Variants in PSMD5 observed in about 807,000 individuals in gnomAD.
PSMD5 encodes 26S proteasome non-ATPase regulatory subunit 5.
A neutral mutation model predicts 52.1 loss-of-function variants in PSMD5; 40 were observed. The observed-to-expected ratio is 0.77, with a 90% CI of 0.60 to 1.00. The LOEUF is 1.00. Ranked by LOEUF, PSMD5 falls within the 50% of genes least tolerant of loss-of-function variation. The pLI is 0.00. For missense variants in PSMD5, 575 were observed against 605.2 expected (o/e 0.95, Z 0.52); for synonymous variants, 211 against 226.6 (o/e 0.93, Z 0.62).
At chr9:120,825,934 C>T (rs1216052275) in intron 6 of PSMD5, among the ~76,000 whole-genome samples, 2 of 150,862 alleles carry the variant, frequency 1.3e-5, no homozygotes, top group South Asian at 4.2e-4. Context: ...ATTGCTCTGG[C>T]TATAACTTCT....
At chr9:120,841,885 T>C (rs1011436767) in intron 1 of PSMD5, 2 of 152,168 alleles carry the variant, frequency 1.3e-5, no homozygotes, top group Non-Finnish European at 2.9e-5. Context: ...CAGGTTTCCC[T>C]AGCAGGCTTG....
At chr9:120,842,662 C>G in intron 1 of PSMD5, 75 bp downstream of exon 1, 1 of 1,552,014 alleles carries the variant, frequency 6.4e-7, no homozygotes, top group Non-Finnish European at 8.8e-7. Flanking sequence ...AAGCGCTGTT[C>G]TTGCCCTCAA....
intron 4 of PSMD5, 93 bp downstream of exon 4, chr9:120,831,238 C>T (rs539002668): frequency 6.1e-6 from 8 of 1,317,658 alleles, no homozygotes; most frequent in Middle Eastern, 2.0e-4. Flanking sequence ...GGGCCAAACA[C>T]AGATTATATA....
intron 1 of PSMD5, among the ~76,000 whole-genome samples, chr9:120,838,379 T>G (rs2045212631): frequency 6.6e-6 from 1 of 152,218 alleles, no homozygotes; most frequent in Non-Finnish European, 1.5e-5. Flanking sequence ...AAAGAGTTAA[T>G]GCTTAAAATT....
chr9:120,835,678 G>A (rs542373870), intron 1 of PSMD5, among the ~76,000 whole-genome samples: 3 of 151,776 alleles, frequency 2.0e-5, no homozygotes, highest in African/African-American at 2.4e-5. Context: ...GCAGTGAGTC[G>A]AGATAGCGCC....
At position 120,842,244 on chromosome 9, in the gene PSMD5, G is replaced by C. The variant is rs193288919; in HGVS notation, c.173+493C>G. 232 of 157,258 alleles carry C rather than the reference G, an allele frequency of 1.5e-3. 2 individuals carry two copies. Among genetic ancestry groups the C allele is most frequent in the Middle Eastern group, 6.7e-3 (2 of 300 alleles). 9.7% of individuals were successfully genotyped at this position (157,258 alleles called of 1,614,324 possible). ...TGCCGCTGCTTTTGGGGCGATTCCA[G>C]CCTCGGGTTCGAAAGAACAAAGTAA... On this transcript the variant is annotated intron_variant, in intron 1 of 9. Transcript: ENST00000210313.
Position 120,816,302 on chromosome 9 carries a change from T to C in PSMD5, c.*1604A>G, listed in dbSNP as rs1052095240. ...TAATTCTGAAGATGGATGGTGGTGATGGTTGTACAACTTATGAACATATGT... is the reference window on the plus strand; with the variant it reads ...TAATTCTGAAGATGGATGGTGGTGACGGTTGTACAACTTATGAACATATGT... On this transcript the variant is annotated 3_prime_UTR_variant, in exon 10 of 10. Transcript: ENST00000210313. 6.6e-6 allele frequency: 1 copy of C among 152,326 alleles called. No individual in the cohort carries two copies. Among genetic ancestry groups the C allele is most frequent in the Admixed American group, 6.5e-5 (1 of 15,298 alleles). 9.4% of individuals were successfully genotyped at this position (152,326 alleles called of 1,614,324 possible).
chr9:120,827,290 GCTTTA>G, intron 5 of PSMD5, among the ~76,000 whole-genome samples: 1 of 152,242 alleles, frequency 6.6e-6, no homozygotes, highest in East Asian at 1.9e-4. Flanking sequence ...TGAAGATTTT[GCTTTA>G]CTTATTTCAT....
intron 1 of PSMD5, 166 bp downstream of exon 1, chr9:120,842,571 A>AC (rs2045247642): frequency 1.2e-6 from 1 of 828,138 alleles, no homozygotes; most frequent in African/African-American, 1.7e-5. Flanking sequence ...CTGAACCTGA[A>AC]CCCCATCTCC....
intron 1 of PSMD5, among the ~76,000 whole-genome samples, chr9:120,839,798 C>CTTTTT (rs5900462): frequency 3.8e-5 from 3 of 78,540 alleles, no homozygotes; most frequent in African/African-American, 8.7e-5. Context: ...TTTTTTTAAT[C>CTTTTT]TTTTTTTTTT....
chr9:120,818,452 A>T (rs1185475711), intron 9 of PSMD5, among the ~76,000 whole-genome samples: 1 of 152,226 alleles, frequency 6.6e-6, no homozygotes, highest in Non-Finnish European at 1.5e-5. Context: ...CATTAACAAT[A>T]ATGTTTACAA....
chr9:120,833,672 C>CTTTTT lies in PSMD5; in HGVS notation c.174-221_174-217dup, dbSNP rs71385094. Among the ~76,000 whole-genome samples the CTTTTT allele has an allele frequency of 9.2e-4, 79 of 85,622 alleles. 1 individual carries two copies. Among genetic ancestry groups the CTTTTT allele is most frequent in the African/African-American group, 1.8e-3 (38 of 20,920 alleles). The allele number at this position is 85,622 out of a possible 152,430, so 56.2% of individuals were successfully genotyped here. On this transcript the variant is annotated intron_variant, in intron 1 of 9. Transcript: ENST00000210313. ...AGAATAAGATATGCACTCTAGTCTT[C>CTTTTT]TTTTTTTTTTTTTTTTTTTTTTTTG...
At chr9:120,826,331 C>G (rs1175559183) in intron 6 of PSMD5, among the ~76,000 whole-genome samples, 2 of 152,100 alleles carry the variant, frequency 1.3e-5, no homozygotes, top group Non-Finnish European at 2.9e-5. Flanking sequence ...CAACTTTTCA[C>G]CGCTGAGTAT....
intron 1 of PSMD5, among the ~76,000 whole-genome samples, chr9:120,838,322 A>G (rs1159968877): frequency 3.3e-5 from 5 of 152,252 alleles, no homozygotes; most frequent in Non-Finnish European, 5.9e-5. Context: ...TAAACTGCAC[A>G]GTGCACAAAT....
intron 2 of PSMD5, among the ~76,000 whole-genome samples, 169 bp from the exon 3 acceptor site, chr9:120,832,114 T>A (rs17354644): frequency 6.6e-6 from 1 of 152,078 alleles, no homozygotes; most frequent in Non-Finnish European, 1.5e-5. Flanking sequence ...CAAACACACA[T>A]ATGGTATAGT....
chr9:120,816,522 AAC>A lies in PSMD5; in HGVS notation c.*1382_*1383del, dbSNP rs1463150726. 1 of 152,238 alleles carries A rather than the reference AAC, an allele frequency of 6.6e-6. No individual in the cohort carries two copies. The highest frequency in any genetic ancestry group is 1.5e-5 in the Non-Finnish European group (1 of 68,054). The allele number at this position is 152,238 out of a possible 1,614,324, so 9.4% of individuals were successfully genotyped here. A position where few individuals can be genotyped will look rare whatever the true frequency, so the allele number is the denominator to read the frequency against. On this transcript the variant is annotated 3_prime_UTR_variant, in exon 10 of 10. Coordinates refer to ENST00000210313, the MANE Select transcript of PSMD5 (RefSeq NM_005047.4). ...ACAGTAGGGGACTAGTCAGCATGGA[AAC>A]ACACACAAAAAACAGAGTCACGTTG...
Position 120,817,935 on chromosome 9 carries a change from A to T in PSMD5, c.1486T>A (p.Ser496Thr), listed in dbSNP as rs375188874. 4 of 1,613,604 alleles carry T rather than the reference A, an allele frequency of 2.5e-6. No homozygotes were observed. The highest frequency in any genetic ancestry group is 1.6e-4 in the Middle Eastern group (1 of 6,062). Residue 496 changes from serine to threonine, a missense_variant, in exon 10 of 10, where the codon TCC (serine) becomes ACC (threonine). Ser to Thr is a moderately conservative substitution (Grantham distance 58). Coordinates refer to ENST00000210313, the MANE Select transcript of PSMD5 (RefSeq NM_005047.4). ...SEGPYYVKPVSTTAVEGAE is the reference protein window; with the variant it reads ...SEGPYYVKPVTTTAVEGAE ...TCGGCTCCTTCTACTGCTGTCGTGGAAACAGGTTTCACATAGTATGGCCCT... is the reference window on the plus strand; with the variant it reads ...TCGGCTCCTTCTACTGCTGTCGTGGTAACAGGTTTCACATAGTATGGCCCT...
At position 120,817,165 on chromosome 9, in the gene PSMD5, G is replaced by C. The variant is rs1310102600; in HGVS notation, c.*741C>G. On this transcript the variant is annotated 3_prime_UTR_variant, in exon 10 of 10. Transcript: ENST00000210313. ...TATTCCATACTACTCATTTTTCAAA[G>C]AATATATCCAAGACTTTGAAAGTGG... 2 of 151,250 alleles carry C rather than the reference G, an allele frequency of 1.3e-5. No individual in the cohort carries two copies. The highest frequency in any genetic ancestry group is 2.9e-5 in the Non-Finnish European group (2 of 67,866). The allele number at this position is 151,250 out of a possible 1,614,324, so 9.4% of individuals were successfully genotyped here.
intron 7 of PSMD5, 48 bp downstream of exon 7, chr9:120,824,446 C>T (rs746693947): frequency 1.3e-6 from 2 of 1,575,970 alleles, no homozygotes; most frequent in African/African-American, 1.4e-5. Context: ...CATATTGAAC[C>T]CCTGTCAAAG....
Sources: allele counts gnomAD v4.1 joint callset (sites outside exome capture counted in the v4.1 genomes callset), GRCh38; gene constraint gnomAD v4.1.1; transcripts MANE v1.5; gene names NCBI Gene and HGNC (gene_info 2026-07-23, HGNC 2026-07-21).